The following EMSY variants were observed in gnomAD, a reference collection of about 807,000 sequenced individuals.
The protein encoded by EMSY is EMSY transcriptional repressor, BRCA2 interacting.
EMSY carries 26 observed loss-of-function variants against 134.6 expected under a neutral mutation model. The observed-to-expected ratio is 0.19, with a 90% CI of 0.14 to 0.27. EMSY has a LOEUF of 0.27. Among genes scored for constraint, EMSY ranks in the 10% least tolerant of loss-of-function variants. EMSY has a pLI of 1.00. For synonymous variants in EMSY, 579 were observed against 577.8 expected (o/e 1.00, Z -0.03); for missense variants, 1,305 against 1,611.4 (o/e 0.81, Z 3.26).
At chr11:76,471,580 C>T (rs1948570559) in intron 7 of EMSY, among the ~76,000 whole-genome samples, 1 of 151,856 alleles carries the variant, frequency 6.6e-6, no homozygotes, top group Non-Finnish European at 1.5e-5. Flanking sequence ...TTTTTGATGA[C>T]CTTGACAATT....
Position 76,544,861 on chromosome 11 carries a change from TGTTCACG to T in EMSY, c.3273+41_3273+47del. 3 of 1,588,254 alleles carry T rather than the reference TGTTCACG, an allele frequency of 1.9e-6. No individual in the cohort carries two copies. The Admixed American group carries it at 5.2e-5, about 27-fold the overall frequency. On this transcript the variant is annotated intron_variant, in intron 19 of 20. Coordinates refer to ENST00000334736, the Ensembl canonical transcript of EMSY. Reference sequence around the variant, plus strand: ...GATAGCATGCAAAGTTAAACTTCTCTGTTCACGGAAAAAAAAATGAGAACATCACGAC... The same window carrying T: ...GATAGCATGCAAAGTTAAACTTCTCTGAAAAAAAAATGAGAACATCACGAC...
chr11:76,544,864 T>A, intron 19 of EMSY, 42 bp downstream of exon 20: 2 of 1,581,354 alleles, frequency 1.3e-6, no homozygotes, highest in Admixed American at 3.5e-5. Flanking sequence ...ACTTCTCTGT[T>A]CACGGAAAAA....
intron 8 of EMSY, among the ~76,000 whole-genome samples, chr11:76,494,708 TTCC>T (rs1391387662): frequency 1.2e-3 from 122 of 102,754 alleles, no homozygotes; most frequent in South Asian, 2.9e-3. Flanking sequence ...CCTTCCTTCC[TTCC>T]TTCCTTCCTT....
chr11:76,452,682 T>C (rs557973934), intron 3 of EMSY, among the ~76,000 whole-genome samples: 303 of 152,318 alleles, frequency 2.0e-3, no homozygotes, highest in African/African-American at 7.1e-3. Context: ...TTTACTATTA[T>C]TAACTTTACA....
chr11:76,489,272 C>T lies in EMSY; in HGVS notation c.1109-6943C>T, dbSNP rs117068945. Among the ~76,000 whole-genome samples the T allele has an allele frequency of 5.3e-4, 80 of 150,736 alleles. No homozygotes were observed. The East Asian group carries it at 0.014, about 26-fold the overall frequency. On this transcript the variant is annotated intron_variant, in intron 8 of 20. Coordinates refer to ENST00000334736, the Ensembl canonical transcript of EMSY. ...CTTTTCATTTGGTTCTGTGCATGTCCATGTTACTTGGTTGATGGACTTGAT... is the reference window on the plus strand; with the variant it reads ...CTTTTCATTTGGTTCTGTGCATGTCTATGTTACTTGGTTGATGGACTTGAT...
At chr11:76,493,385 G>T (rs922047267) in intron 8 of EMSY, among the ~76,000 whole-genome samples, 1 of 152,164 alleles carries the variant, frequency 6.6e-6, no homozygotes, top group Non-Finnish European at 1.5e-5. Flanking sequence ...AGACAGGCTC[G>T]TGAGTGCAAA....
chr11:76,505,713 T>A (rs952282685), intron 9 of EMSY, among the ~76,000 whole-genome samples: 1 of 151,652 alleles, frequency 6.6e-6, no homozygotes, highest in African/African-American at 2.4e-5. Context: ...AAAAATTAGC[T>A]GGGCGTGGTG....
intron 20 of EMSY, among the ~76,000 whole-genome samples, chr11:76,548,995 C>T (rs1951752155): frequency 6.6e-6 from 1 of 152,156 alleles, no homozygotes; most frequent in Admixed American, 6.6e-5. Context: ...TGTCCACGTT[C>T]TCTTGGAGCT....
At chr11:76,445,765 A>G (rs1947358757) in intron 1 of EMSY, among the ~76,000 whole-genome samples, 1 of 152,054 alleles carries the variant, frequency 6.6e-6, no homozygotes, top group Non-Finnish European at 1.5e-5. Flanking sequence ...GGCCGCCTCC[A>G]AGATCCTGTC....
chr11:76,541,259 G>C (rs1211567075), intron 17 of EMSY, among the ~76,000 whole-genome samples: 1 of 152,132 alleles, frequency 6.6e-6, no homozygotes, highest in Non-Finnish European at 1.5e-5. Context: ...AAAAGTTGAA[G>C]CTGGTAAAAT....
At chr11:76,547,161 G>T (rs997801535) in intron 20 of EMSY, 7 of 420,216 alleles carry the variant, frequency 1.7e-5, no homozygotes, top group African/African-American at 1.5e-4. Flanking sequence ...AGCTTGGAAG[G>T]TATCAGAATA....
exon 19 of EMSY, chr11:76,544,668 C>T (rs1394778015): frequency 1.9e-6 from 3 of 1,614,140 alleles, no homozygotes; most frequent in Middle Eastern, 1.6e-4. Flanking sequence ...GCACAGCCCC[C>T]GCAAACTGTA....
Position 76,464,081 on chromosome 11 carries a change from GT to G in EMSY, c.831+2del. The G allele has an allele frequency of 2.5e-6, 4 of 1,614,042 alleles. No homozygotes were observed. Among genetic ancestry groups the G allele is most frequent in the Non-Finnish European group, 3.4e-6 (4 of 1,179,988 alleles). On this transcript the variant is annotated splice_donor_variant, in intron 7 of 20. Transcript: ENST00000334736. LOFTEE classifies it high-confidence loss of function. ...GACAACAAACACAACAACACAGAAGGTATGTGGTGGAGGGAGTCTCTGCCTG... is the reference window on the plus strand; with the variant it reads ...GACAACAAACACAACAACACAGAAGGATGTGGTGGAGGGAGTCTCTGCCTG...
chr11:76,539,520 A>T lies in EMSY; in HGVS notation c.2516-79A>T, dbSNP rs548510542. ...GGCCAGTATTCTGGGGAACATAAAT[A>T]ACCTCTGGGGGTAGACTAGATTCTT... On this transcript the variant is annotated intron_variant, in intron 16 of 20. Coordinates refer to ENST00000334736, the Ensembl canonical transcript of EMSY. 1.3e-4 allele frequency: 184 copies of T among 1,423,728 alleles called. 1 individual carries two copies. In the African/African-American group the frequency reaches 1.3e-3, roughly 10 times the overall value. The allele number at this position is 1,423,728 out of a possible 1,614,324, so 88.2% of individuals were successfully genotyped here. A position where few individuals can be genotyped will look rare whatever the true frequency, so the allele number is the denominator to read the frequency against.
intron 20 of EMSY, 53 bp from the exon 22 acceptor site, chr11:76,549,899 T>G: frequency 1.4e-6 from 2 of 1,413,748 alleles, no homozygotes; most frequent in Non-Finnish European, 1.9e-6. Flanking sequence ...GTTGGGGAAG[T>G]TATTCTGCTA....
chr11:76,546,445 G>T, intron 20 of EMSY, 148 bp downstream of exon 21: 1 of 1,075,978 alleles, frequency 9.3e-7, no homozygotes, highest in South Asian at 1.7e-5. Flanking sequence ...GACAAATTTG[G>T]TTTAACACCT....
intron 9 of EMSY, among the ~76,000 whole-genome samples, chr11:76,502,354 T>C (rs1042248562): frequency 8.2e-5 from 9 of 109,884 alleles, no homozygotes; most frequent in African/African-American, 1.5e-4. Flanking sequence ...CGTTTACAGA[T>C]GACATGATCC....
At chr11:76,499,913 C>G (rs1195674495) in intron 9 of EMSY, among the ~76,000 whole-genome samples, 4 of 151,566 alleles carry the variant, frequency 2.6e-5, no homozygotes, top group Non-Finnish European at 5.9e-5. Flanking sequence ...TTTTTGGTCT[C>G]TACAAAAAAT....
intron 4 of EMSY, 72 bp downstream of exon 4, chr11:76,453,460 T>C: frequency 7.3e-7 from 1 of 1,377,722 alleles, no homozygotes; most frequent in Non-Finnish European, 1.0e-6. Flanking sequence ...AGTCTTCCTA[T>C]TGTGTAGCAG....
Sources: allele counts gnomAD v4.1 joint callset (sites outside exome capture counted in the v4.1 genomes callset), GRCh38; gene constraint gnomAD v4.1.1; transcripts MANE v1.5; gene names NCBI Gene and HGNC (gene_info 2026-07-23, HGNC 2026-07-21).